Variants in H6PD observed in about 807,000 individuals in gnomAD.
The protein encoded by H6PD is hexose-6-phosphate dehydrogenase/glucose 1-dehydrogenase, also known as GDH/6PGL endoplasmic bifunctional protein.
H6PD carries 48 observed loss-of-function variants against 61.2 expected under a neutral mutation model. The ratio of observed to expected loss-of-function variants is 0.78; its 90% CI spans 0.62 to 1.00. The LOEUF (loss-of-function observed/expected upper bound fraction) is 1.00, where lower values mean the gene tolerates loss of function less well. Among genes scored for constraint, H6PD ranks in the 50% least tolerant of loss-of-function variants. The pLI is 0.00. For synonymous variants in H6PD, 480 were observed against 457.9 expected (o/e 1.05, Z -0.62); for missense variants, 1,093 against 1,065.0 (o/e 1.03, Z -0.37).
chr1:9,237,954 C>T (rs1428678978), intron 1 of H6PD, among the ~76,000 whole-genome samples: 2 of 152,050 alleles, frequency 1.3e-5, no homozygotes, highest in African/African-American at 2.4e-5. Context: ...CTCATTGGCA[C>T]GCACACTCTT....
chr1:9,244,552 C>G (rs1297443587), intron 1 of H6PD, among the ~76,000 whole-genome samples: 1 of 152,220 alleles, frequency 6.6e-6, no homozygotes, highest in Non-Finnish European at 1.5e-5. Flanking sequence ...CCTGCTTGTC[C>G]GGGTGACCTG....
intron 1 of H6PD, among the ~76,000 whole-genome samples, chr1:9,239,384 G>C (rs1404933401): frequency 6.6e-6 from 1 of 152,158 alleles, no homozygotes; most frequent in Non-Finnish European, 1.5e-5. Context: ...AAGGACCCCA[G>C]AGCCCGATCT....
At chr1:9,249,694 G>A (rs548147546) in intron 3 of H6PD, among the ~76,000 whole-genome samples, 10 of 152,348 alleles carry the variant, frequency 6.6e-5, no homozygotes, top group African/African-American at 2.4e-4. Context: ...GCAGCCTGTC[G>A]CGGTGAGACC....
intron 1 of H6PD, among the ~76,000 whole-genome samples, chr1:9,237,021 C>T (rs569126731): frequency 2.0e-5 from 3 of 152,282 alleles, no homozygotes; most frequent in East Asian, 1.9e-4. Context: ...GTGTTCGGAA[C>T]AGCTTGACTT....
chr1:9,264,052 T>G lies in H6PD; in HGVS notation c.1559T>G (p.Leu520Trp), dbSNP rs372530825. Residue 520 changes from leucine to tryptophan, a missense_variant, in exon 5 of 5, where the codon TTG becomes TGG. Physicochemically the swap from Leu to Trp is moderately conservative, Grantham distance 61. Transcript: ENST00000377403. ...LLDFEFSSGR[L>W]FFSQQQPEQL... ...GACTTTGAGTTCAGTAGCGGCCGGT[T>G]GTTCTTTTCCCAGCAGCAGCCGGAG... is the stretch of plus-strand genomic sequence containing the variant. 194 of 1,614,004 alleles carry G rather than the reference T, an allele frequency of 1.2e-4. No individual in the cohort carries two copies. The highest frequency in any genetic ancestry group is 1.6e-4 in the Non-Finnish European group (186 of 1,180,030).
At chr1:9,246,870 C>T (rs1426125038) in intron 2 of H6PD, 96 bp from the exon 3 acceptor site, 8 of 846,094 alleles carry the variant, frequency 9.5e-6, no homozygotes, top group Non-Finnish European at 1.0e-5. Flanking sequence ...CTGCTCTGAG[C>T]AGGGAATAGA....
chr1:9,238,881 G>T (rs1329958091), intron 1 of H6PD, among the ~76,000 whole-genome samples: 1 of 152,154 alleles, frequency 6.6e-6, no homozygotes, highest in East Asian at 1.9e-4. Flanking sequence ...TATATCTGTG[G>T]TGTAAATATT....
chr1:9,255,193 C>G (rs1557743829), intron 3 of H6PD, among the ~76,000 whole-genome samples: 4 of 152,170 alleles, frequency 2.6e-5, no homozygotes, highest in Admixed American at 1.3e-4. Context: ...TTTTATTTCT[C>G]TTGAGTATAA....
Position 9,245,634 on chromosome 1 carries a change from C to T in H6PD, c.627+73C>T, listed in dbSNP as rs572686829. ...GGTAGACCCCAGCAACAAAGCCGCT[C>T]GCTCATTGTGGAGCTAGGCCCCAAG... On this transcript the variant is annotated intron_variant, in intron 2 of 4. Coordinates refer to ENST00000377403, the MANE Select transcript of H6PD (RefSeq NM_004285.4). The surrounding 1 kb of genome is among the most constrained non-coding windows in gnomAD (Gnocchi z 4.8). 16 of 1,461,246 alleles carry T rather than the reference C, an allele frequency of 1.1e-5. No homozygotes were observed. The East Asian group carries it at 1.4e-4, about 13-fold the overall frequency. 90.5% of individuals were successfully genotyped at this position (1,461,246 alleles called of 1,614,324 possible). A position where few individuals can be genotyped will look rare whatever the true frequency, so the allele number is the denominator to read the frequency against.
At chr1:9,244,860 A>C in intron 1 of H6PD, 65 bp from the exon 2 acceptor site, 1 of 1,481,578 alleles carries the variant, frequency 6.7e-7, no homozygotes, top group Non-Finnish European at 9.4e-7. Flanking sequence ...TTGTTTCCAC[A>C]TCGTAGCCAC....
intron 1 of H6PD, among the ~76,000 whole-genome samples, chr1:9,244,482 G>A (rs949356934): frequency 6.6e-6 from 1 of 152,166 alleles, no homozygotes; most frequent in Non-Finnish European, 1.5e-5. Flanking sequence ...AGGTGGTCCT[G>A]CCCTCTCACT....
At chr1:9,251,892 T>TA (rs1303023680) in intron 3 of H6PD, among the ~76,000 whole-genome samples, 4 of 145,678 alleles carry the variant, frequency 2.7e-5, no homozygotes, top group Non-Finnish European at 4.5e-5. Context: ...TTTTTTTTTT[T>TA]AATCTATTTT....
rs1638604477 is a variant in H6PD, at chr1:9,267,404, GTTC to G, written c.*2539_*2541del. ...ACCTGGCCCCAGCACTCTCCCATCT[GTTC>G]TTCAGGAACCGACTCCTCTCCAGTT... On this transcript the variant is annotated 3_prime_UTR_variant, in exon 5 of 5. Coordinates refer to ENST00000377403, the MANE Select transcript of H6PD (RefSeq NM_004285.4). The G allele has an allele frequency of 6.6e-6, 1 of 152,284 alleles. No individual in the cohort carries two copies. Among genetic ancestry groups the G allele is most frequent in the African/African-American group, 2.4e-5 (1 of 41,444 alleles). The allele number at this position is 152,284 out of a possible 1,614,324, so 9.4% of individuals were successfully genotyped here. A position where few individuals can be genotyped will look rare whatever the true frequency, so the allele number is the denominator to read the frequency against.
Position 9,264,323 on chromosome 1 carries a change from C to T in H6PD, c.1830C>T (p.Pro610=). ...TGGCCACGGCGCACTATGGCTTCCC[C>T]TGGGCCCACACGCACCTGTGGCTGG... ...QQLATAHYGF[P]WAHTHLWLVD... The change falls in exon 5 of 5, where the codon CCC becomes CCT. Residue 610 remains proline (P), a synonymous_variant. Transcript: ENST00000377403. 6.2e-7 allele frequency: 1 copy of T among 1,612,008 alleles called. No individual in the cohort carries two copies. Among genetic ancestry groups the T allele is most frequent in the Non-Finnish European group, 8.5e-7 (1 of 1,179,824 alleles).
At chr1:9,251,288 G>A (rs1641353357) in intron 3 of H6PD, among the ~76,000 whole-genome samples, 1 of 152,152 alleles carries the variant, frequency 6.6e-6, no homozygotes. Context: ...TGGAACTGAG[G>A]TCTTGGCACC....
At position 9,258,357 on chromosome 1, in the gene H6PD, ATGT is replaced by A. The variant is rs757413869; in HGVS notation, c.746-3694_746-3692del. 2.5e-3 allele frequency among the ~76,000 whole-genome samples: 373 copies of A among 152,110 alleles called. 1 individual carries two copies. Among genetic ancestry groups the A allele is most frequent in the African/African-American group, 8.4e-3 (350 of 41,442 alleles). On this transcript the variant is annotated intron_variant, in intron 3 of 4. Transcript: ENST00000377403. The stretch of plus-strand genomic sequence containing the variant: ...GTTACATTGTTGTTACACCAGTGTT[ATGT>A]TGTTGTTACACTGGTGTTGTCATTC...
chr1:9,263,514 C>G lies in H6PD; in HGVS notation c.1021C>G (p.Leu341Val), dbSNP rs776704214. The stretch of plus-strand genomic sequence containing the variant: ...CTGCTGTTCCCTCACCCCAGCCGTC[C>G]TAGTGCACATTGACAACCTTCGCTG... ...HSLTPTFAAVLVHIDNLRWEG... is the reference protein window; with the variant it reads ...HSLTPTFAAVVVHIDNLRWEG... The change falls in exon 5 of 5, where the codon CTA (leucine) becomes GTA (valine). Residue 341 changes from leucine (L) to valine (V), a missense_variant. Transcript: ENST00000377403. 6 of 1,614,046 alleles carry G rather than the reference C, an allele frequency of 3.7e-6. No homozygotes were observed. In the East Asian group the frequency reaches 1.1e-4, roughly 30 times the overall value.
chr1:9,262,119 C>T lies in H6PD; in HGVS notation c.806C>T (p.Thr269Met), dbSNP rs373073263. Residue 269 changes from threonine (T) to methionine (M), a missense_variant, in exon 4 of 5, where the codon ACG becomes ATG. Physicochemically the swap from Thr to Met is moderately conservative, Grantham distance 81 (BLOSUM62 -1). Transcript: ENST00000377403. ...CGCGACGTCCTCCAGAACCATCTGA[C>T]GGAGGTCCTCACCCTCGTGGCCATG... ...VIRDVLQNHL[T>M]EVLTLVAMEL... 114 of 1,614,052 alleles carry T rather than the reference C, an allele frequency of 7.1e-5. No individual in the cohort carries two copies. The highest frequency in any genetic ancestry group is 1.0e-4 in the Admixed American group (6 of 60,014).
At position 9,269,014 on chromosome 1, in the gene H6PD, A is replaced by G. The variant is rs1638661555; in HGVS notation, c.*4145A>G. The G allele has an allele frequency of 6.6e-6, 1 of 151,608 alleles. No individual in the cohort carries two copies. The highest frequency in any genetic ancestry group is 2.1e-4 in the South Asian group (1 of 4,786). The allele number at this position is 151,608 out of a possible 1,614,324, so 9.4% of individuals were successfully genotyped here. A position where few individuals can be genotyped will look rare whatever the true frequency, so the allele number is the denominator to read the frequency against. ...CCAGCTACGTTTTTATCTTAAGCAC[A>G]TGGGGCTCCCTTAGAACTTACTCCA... On this transcript the variant is annotated 3_prime_UTR_variant, in exon 5 of 5. Transcript: ENST00000377403. The surrounding 1 kb of genome is among the most constrained non-coding windows in gnomAD (Gnocchi z 4.3).
Sources: gnomAD v4.1 joint callset for allele counts (sites outside exome capture counted in the v4.1 genomes callset) on GRCh38, gnomAD v4.1.1 for gene constraint, Gnocchi (gnomAD v3.1) non-coding constraint, MANE v1.5 for transcripts, NCBI Gene and HGNC (gene_info 2026-07-23, HGNC 2026-07-21) for gene names.